Variants in NEK1 observed in about 807,000 individuals in gnomAD.
NEK1 encodes NIMA related kinase 1.
NEK1 carries 137 observed loss-of-function variants against 182.1 expected under a neutral mutation model. The observed-to-expected ratio is 0.75, with a 90% confidence interval of 0.65 to 0.87. NEK1 has a LOEUF of 0.87. NEK1 is among the 40% of genes least tolerant of loss of function. The pLI is 0.00. For missense variants in NEK1, 1,391 were observed against 1,494.4 expected (o/e 0.93, Z 1.14); for synonymous variants, 513 against 492.2 (o/e 1.04, Z -0.56).
Position 169,587,495 on chromosome 4 carries a change from T to G in NEK1, c.606+64A>C. The G allele has an allele frequency of 4.5e-6, 4 of 896,064 alleles. No homozygotes were observed. In the South Asian group the frequency reaches 5.6e-5, roughly 13 times the overall value. The allele number at this position is 896,064 out of a possible 1,614,324, so 55.5% of individuals were successfully genotyped here. A position where few individuals can be genotyped will look rare whatever the true frequency, so the allele number is the denominator to read the frequency against. ...CTGAAAGATAATATAACTTAAAATA[T>G]AATAAAAACATTATAGTCGCTTTTT... On this transcript the variant is annotated intron_variant, in intron 9 of 35. Coordinates refer to ENST00000507142, the MANE Select transcript of NEK1 (RefSeq NM_001199397.3).
intron 12 of NEK1, 192 bp downstream of exon 12, chr4:169,576,736 A>G: frequency 4.2e-6 from 2 of 474,120 alleles, no homozygotes; most frequent in South Asian, 5.2e-5. Context: ...TACTTAATAT[A>G]TTTACTTAAT....
intron 26 of NEK1, among the ~76,000 whole-genome samples, chr4:169,476,596 C>T (rs1746983943): frequency 6.6e-6 from 1 of 152,088 alleles, no homozygotes; most frequent in African/African-American, 2.4e-5. Flanking sequence ...GATGGTCAGA[C>T]TTGCCCTTCT....
At chr4:169,396,521 C>T (rs866789740) in intron 35 of NEK1, among the ~76,000 whole-genome samples, 4 of 151,902 alleles carry the variant, frequency 2.6e-5, no homozygotes, top group African/African-American at 2.4e-5. Context: ...ATTAGGAATA[C>T]TATCAAATCG....
chr4:169,498,909 C>G (rs923139601), intron 23 of NEK1, among the ~76,000 whole-genome samples: 2 of 152,154 alleles, frequency 1.3e-5, no homozygotes, highest in African/African-American at 4.8e-5. Context: ...CGAGGAGTAT[C>G]TTTGTGGCAT....
At chr4:169,405,915 C>A (rs1211604953) in intron 32 of NEK1, among the ~76,000 whole-genome samples, 1 of 152,050 alleles carries the variant, frequency 6.6e-6, no homozygotes, top group Non-Finnish European at 1.5e-5. Context: ...ACCAGCCTGA[C>A]CAACATGCTG....
intron 10 of NEK1, 137 bp from the exon 11 acceptor site, chr4:169,581,039 T>TA (rs34236215): frequency 0.49 from 63,644 of 130,322 alleles, 16,659 homozygotes; most frequent in East Asian, 0.71. Context: ...ACCAAGTTGT[T>TA]AAAAAAAAAA....
At position 169,454,563 on chromosome 4, in the gene NEK1, C is replaced by A. The variant is rs187448558; in HGVS notation, c.2587+8680G>T. 9.9e-5 allele frequency among the ~76,000 whole-genome samples: 15 copies of A among 152,104 alleles called. No homozygotes were observed. In the East Asian group the frequency reaches 1.2e-3, roughly 12 times the overall value. ...CAAAAGAAGACATTTATGTGGCCAA[C>A]AAACATATGAAAAAATGCTCATCAT... On this transcript the variant is annotated intron_variant, in intron 27 of 35. Transcript: ENST00000507142.
intron 23 of NEK1, among the ~76,000 whole-genome samples, chr4:169,490,653 T>C (rs1749892600): frequency 6.6e-6 from 1 of 151,722 alleles, no homozygotes; most frequent in Non-Finnish European, 1.5e-5. Context: ...ACAGAAATCT[T>C]GGGGCTGAAG....
chr4:169,459,697 CT>C (rs1561226261), intron 27 of NEK1, among the ~76,000 whole-genome samples: 1 of 152,088 alleles, frequency 6.6e-6, no homozygotes, highest in Non-Finnish European at 1.5e-5. Flanking sequence ...ATATTCTGCG[CT>C]AAAAAGTAAT....
intron 26 of NEK1, among the ~76,000 whole-genome samples, chr4:169,469,900 GT>G (rs1745609916): frequency 7.0e-6 from 1 of 143,852 alleles, no homozygotes; most frequent in South Asian, 2.2e-4. Context: ...TTTGATCTTT[GT>G]TGCTTTAAAG....
chr4:169,577,763 A>G (rs981375799), intron 11 of NEK1, among the ~76,000 whole-genome samples: 5 of 151,586 alleles, frequency 3.3e-5, no homozygotes, highest in Non-Finnish European at 5.9e-5. Flanking sequence ...CAAAAATAAT[A>G]ATAATAATAA....
chr4:169,459,695 C>T (rs572736891), intron 27 of NEK1, among the ~76,000 whole-genome samples: 14 of 152,184 alleles, frequency 9.2e-5, no homozygotes, highest in Non-Finnish European at 1.5e-4. Context: ...TAATATTCTG[C>T]GCTAAAAAGT....
Position 169,424,541 on chromosome 4 carries a change from G to C in NEK1, c.3222+12C>G, listed in dbSNP as rs1736034526. On this transcript the variant is annotated intron_variant, in intron 31 of 35. Transcript: ENST00000507142. ...GAATGGATAATATTTTCCACTTGAG[G>C]ACCATACTTGCCTTTGGGTTGTTTG... is the stretch of plus-strand genomic sequence containing the variant. 1 of 1,565,962 alleles carries C rather than the reference G, an allele frequency of 6.4e-7. No homozygotes were observed. Among genetic ancestry groups the C allele is most frequent in the African/African-American group, 1.4e-5 (1 of 73,610 alleles).
At chr4:169,596,058 C>T (rs1028356776) in intron 5 of NEK1, among the ~76,000 whole-genome samples, 1 of 151,994 alleles carries the variant, frequency 6.6e-6, no homozygotes, top group Admixed American at 6.6e-5. Flanking sequence ...CAACCAGGGA[C>T]CTTGGCATAT....
chr4:169,566,285 T>C (rs993494822), intron 12 of NEK1, among the ~76,000 whole-genome samples: 1 of 152,202 alleles, frequency 6.6e-6, no homozygotes, highest in Non-Finnish European at 1.5e-5. Context: ...CTTCTAATGG[T>C]TCATATTGCC....
intron 32 of NEK1, 80 bp from the exon 33 acceptor site, chr4:169,401,940 G>C: frequency 8.3e-7 from 1 of 1,202,260 alleles, no homozygotes. Flanking sequence ...ACCTCATACT[G>C]AAATTTTACT....
chr4:169,609,060 CA>C (rs540854284), intron 2 of NEK1, among the ~76,000 whole-genome samples: 17,655 of 82,426 alleles, frequency 0.21, 1,642 homozygotes, highest in African/African-American at 0.4. Flanking sequence ...GACTCCTTCT[CA>C]AAAAAAAAAA....
intron 26 of NEK1, 74 bp from the exon 27 acceptor site, chr4:169,463,469 G>A (rs1744354813): frequency 1.8e-6 from 2 of 1,112,786 alleles, no homozygotes; most frequent in Non-Finnish European, 1.2e-6. Context: ...CAGATTTTGA[G>A]TCTTTTATCC....
chr4:169,530,084 C>G (rs200613076), intron 19 of NEK1, among the ~76,000 whole-genome samples: 3 of 152,190 alleles, frequency 2.0e-5, no homozygotes, highest in Non-Finnish European at 4.4e-5. Flanking sequence ...CAGCTCTATT[C>G]ATAATTACCA....
Sources: allele counts gnomAD v4.1 joint callset (sites outside exome capture counted in the v4.1 genomes callset), GRCh38; gene constraint gnomAD v4.1.1; transcripts MANE v1.5; gene names NCBI Gene and HGNC (gene_info 2026-07-23, HGNC 2026-07-21).